The following KIF13A variants were observed in gnomAD, a reference collection of about 807,000 sequenced individuals.
The protein encoded by KIF13A is kinesin-like protein KIF13A.
KIF13A carries 79 observed loss-of-function variants against 212.2 expected under a neutral mutation model. The ratio of observed to expected loss-of-function variants is 0.37; its 90% confidence interval spans 0.31 to 0.45. KIF13A has a LOEUF of 0.45. Ranked by LOEUF, KIF13A falls within the 20% of genes least tolerant of loss-of-function variation. KIF13A has a pLI of 1.00. For missense variants in KIF13A, 1,901 were observed against 2,209.0 expected, an observed-to-expected ratio of 0.86 and a Z score of 2.79; for synonymous variants, 789 against 808.6, an observed-to-expected ratio of 0.98 and a Z score of 0.41.
intron 2 of KIF13A, among the ~76,000 whole-genome samples, chr6:17,943,449 T>C (rs1375518516): frequency 1.3e-5 from 2 of 150,230 alleles, no homozygotes; most frequent in Non-Finnish European, 3.0e-5. Context: ...GGTTTCACCA[T>C]GTTGGCCAGC....
chr6:17,805,615 T>C lies in KIF13A; in HGVS notation c.2164A>G (p.Arg722Gly), dbSNP rs1762870549. 3 of 1,599,520 alleles carry C rather than the reference T, an allele frequency of 1.9e-6. No individual in the cohort carries two copies. The highest frequency in any genetic ancestry group is 2.2e-5 in the East Asian group (1 of 44,746). The change falls in exon 19 of 39, where the codon AGA becomes GGA. Residue 722 changes from arginine (R) to glycine (G), a missense_variant and splice_region_variant. Transcript: ENST00000259711. ...PAANLSANRK[R>G]GAIVSEPAIQ... ...GCTGGTTCACTCACTATTGCACCTC[T>C]CTGCATAAGGAAGAAAAACAAAACA...
rs868848252 is a variant in KIF13A at position 17,968,570 on chromosome 6, G to A, written c.146+18484C>T. Among the ~76,000 whole-genome samples the A allele has an allele frequency of 6.6e-6, 1 of 152,132 alleles. No homozygotes were observed. The stretch of plus-strand genomic sequence containing the variant: ...TAGAATTCTCTTCCACTAGTTACCT[G>A]CATAGAATCTGCAGCTAATGCTGCT... On this transcript the variant is annotated intron_variant, in intron 2 of 38. Coordinates refer to ENST00000259711, the MANE Select transcript of KIF13A (RefSeq NM_022113.6). This position sits in a 1 kb window ranked among gnomAD's most constrained non-coding sequence, Gnocchi z 4.7.
chr6:17,900,870 G>A lies in KIF13A; in HGVS notation c.147-2690C>T, dbSNP rs1201614368. Among the ~76,000 whole-genome samples the A allele has an allele frequency of 1.5e-4, 23 of 151,852 alleles. No individual in the cohort carries two copies. The highest frequency in any genetic ancestry group is 7.3e-5 in the African/African-American group (3 of 41,324). ...GAGGCAGGCGGATCACAAGTTCAGGGGATCGAGACCATCCTGGTTAACACG... is the reference window on the plus strand; with the variant it reads ...GAGGCAGGCGGATCACAAGTTCAGGAGATCGAGACCATCCTGGTTAACACG... On this transcript the variant is annotated intron_variant, in intron 2 of 38. Coordinates refer to ENST00000259711, the MANE Select transcript of KIF13A (RefSeq NM_022113.6). The surrounding 1 kb of genome is among the most constrained non-coding windows in gnomAD (Gnocchi z 4.6).
chr6:17,862,605 C>T (rs550419529), intron 4 of KIF13A, among the ~76,000 whole-genome samples: 1 of 151,802 alleles, frequency 6.6e-6, no homozygotes, highest in African/African-American at 2.4e-5. Context: ...GAGCTCAAGA[C>T]CAGCCCAGGC....
At position 17,787,163 on chromosome 6, in the gene KIF13A, A is replaced by AGGG. The variant is rs1162612172; in HGVS notation, c.3361+612_3361+613insCCC. On this transcript the variant is annotated intron_variant, in intron 27 of 38. Coordinates refer to ENST00000259711, the MANE Select transcript of KIF13A (RefSeq NM_022113.6). This position sits in a 1 kb window ranked among gnomAD's most constrained non-coding sequence, Gnocchi z 4.6. ...CTGTATGTCCTAGGTCCTGGTGCCT[A>AGGG]AAGTACCTTGTATTGACATACTGGT... 1.7e-4 allele frequency among the ~76,000 whole-genome samples: 26 copies of AGGG among 152,230 alleles called. No individual in the cohort carries two copies. The highest frequency in any genetic ancestry group is 1.7e-3 in the Admixed American group (26 of 15,288).
At chr6:17,781,469 A>G (rs1475529181) in intron 29 of KIF13A, among the ~76,000 whole-genome samples, 168 bp from the exon 30 acceptor site, 1 of 152,130 alleles carries the variant, frequency 6.6e-6, no homozygotes, top group African/African-American at 2.4e-5. Context: ...AAGACTCACA[A>G]CAGCTTTTTT....
chr6:17,987,328 C>CGCCGTCCCCG lies in KIF13A; in HGVS notation c.55+80_55+81insCGGGGACGGC. 1 of 1,085,414 alleles carries CGCCGTCCCCG rather than the reference C, an allele frequency of 9.2e-7. No homozygotes were observed. The highest frequency in any genetic ancestry group is 1.2e-6 in the Non-Finnish European group (1 of 834,932). 67.2% of individuals were successfully genotyped at this position (1,085,414 alleles called of 1,614,324 possible). A position where few individuals can be genotyped will look rare whatever the true frequency, so the allele number is the denominator to read the frequency against. On this transcript the variant is annotated intron_variant, in intron 1 of 38. Coordinates refer to ENST00000259711, the MANE Select transcript of KIF13A (RefSeq NM_022113.6). The surrounding 1 kb of genome is among the most constrained non-coding windows in gnomAD (Gnocchi z 7.7). ...GGCCCCCCGGCCCCGGCCGCGCTCT[C>CGCCGTCCCCG]GCCGTCCCGGCCCCGCAGTTTCTAA...
In KIF13A at chr6:17,838,295, T is replaced by C. The variant is rs974724343; in HGVS notation, c.831-712A>G. On this transcript the variant is annotated intron_variant, in intron 9 of 38. Coordinates refer to ENST00000259711, the MANE Select transcript of KIF13A (RefSeq NM_022113.6). This position sits in a 1 kb window ranked among gnomAD's most constrained non-coding sequence, Gnocchi z 4.2. Reference sequence around the variant, plus strand: ...AAGATCGCGCCACTGTACTCCAGCCTGGGCGACAGAGCAAGACTCCATCTC... The same window carrying C: ...AAGATCGCGCCACTGTACTCCAGCCCGGGCGACAGAGCAAGACTCCATCTC... Among the ~76,000 whole-genome samples, 4 of 150,560 alleles carry C rather than the reference T, an allele frequency of 2.7e-5. No homozygotes were observed. The highest frequency in any genetic ancestry group is 4.4e-5 in the Non-Finnish European group (3 of 67,850).
At chr6:17,819,114 C>T (rs1764210142) in intron 16 of KIF13A, among the ~76,000 whole-genome samples, 1 of 151,488 alleles carries the variant, frequency 6.6e-6, no homozygotes, top group South Asian at 2.1e-4. Flanking sequence ...ATTCTCCTGC[C>T]TCGGCCTCCC....
At chr6:17,805,351 C>A (rs536682865) in intron 19 of KIF13A, 124 bp downstream of exon 19, 10 of 853,682 alleles carry the variant, frequency 1.2e-5, no homozygotes, top group African/African-American at 8.6e-5. Context: ...TAATATCTAA[C>A]GTATCATGAG....
At chr6:17,893,729 T>G (rs1047437651) in intron 3 of KIF13A, among the ~76,000 whole-genome samples, 1 of 152,106 alleles carries the variant, frequency 6.6e-6, no homozygotes, top group Non-Finnish European at 1.5e-5. Context: ...CTCATGGGCC[T>G]TTTATCATAT....
At chr6:17,960,396 C>T (rs1196926015) in intron 2 of KIF13A, among the ~76,000 whole-genome samples, 1 of 152,202 alleles carries the variant, frequency 6.6e-6, no homozygotes, top group Non-Finnish European at 1.5e-5. Context: ...CTAAAAATAA[C>T]ACTGCTAAAC....
rs539982598 is a variant in KIF13A at position 17,872,315 on chromosome 6, C to A, written c.220+1062G>T. On this transcript the variant is annotated intron_variant, in intron 4 of 38. Coordinates refer to ENST00000259711, the MANE Select transcript of KIF13A (RefSeq NM_022113.6). The surrounding 1 kb of genome is among the most constrained non-coding windows in gnomAD (Gnocchi z 4.7). ...CAAATCTTTTAAGGCCAATATCCTC[C>A]CTTCATTTTTTTGTTTTTAACTAAC... 6.6e-6 allele frequency among the ~76,000 whole-genome samples: 1 copy of A among 152,132 alleles called. No homozygotes were observed. The highest frequency in any genetic ancestry group is 6.5e-5 in the Admixed American group (1 of 15,272).
At chr6:17,945,474 G>A (rs754259430) in intron 2 of KIF13A, among the ~76,000 whole-genome samples, 4 of 151,882 alleles carry the variant, frequency 2.6e-5, no homozygotes, top group Non-Finnish European at 5.9e-5. Context: ...AAAAATGCAT[G>A]CATCATATTA....
chr6:17,761,008 G>A, downstream of KIF13A: 2 of 820,814 alleles, frequency 2.4e-6, no homozygotes, highest in Non-Finnish European at 3.9e-6. Flanking sequence ...CACAGGATTG[G>A]TTTTATTATG....
intron 20 of KIF13A, among the ~76,000 whole-genome samples, chr6:17,803,923 C>T (rs935073328): frequency 2.6e-5 from 4 of 152,162 alleles, no homozygotes; most frequent in Non-Finnish European, 4.4e-5. Context: ...GAAGCCGAGG[C>T]GGGCGGATCA....
At chr6:17,805,700 T>G in intron 18 of KIF13A, 85 bp from the exon 19 acceptor site, 1 of 1,258,764 alleles carries the variant, frequency 7.9e-7, no homozygotes, top group Non-Finnish European at 1.1e-6. Context: ...AGTAACACAG[T>G]AAGTTTGCAA....
In KIF13A at chr6:17,787,624, T is replaced by C. The variant is rs989072299; in HGVS notation, c.3361+152A>G. 7.9e-4 allele frequency among the ~76,000 whole-genome samples: 120 copies of C among 152,024 alleles called. No individual in the cohort carries two copies. Among genetic ancestry groups the C allele is most frequent in the African/African-American group, 2.8e-3 (115 of 41,460 alleles). On this transcript the variant is annotated intron_variant, in intron 27 of 38. Transcript: ENST00000259711. This position sits in a 1 kb window ranked among gnomAD's most constrained non-coding sequence, Gnocchi z 4.6. Reference sequence around the variant, plus strand: ...TATGATCCTGCCACTGCACTCCAGCTTGGGTGACAGAGTGAGACCCTGTCT... The same window carrying C: ...TATGATCCTGCCACTGCACTCCAGCCTGGGTGACAGAGTGAGACCCTGTCT...
At position 17,892,036 on chromosome 6, in the gene KIF13A, G is replaced by A. The variant is rs1367654849; in HGVS notation, c.159+6132C>T. ...CCAATAATTTACCTGATCTTTGTAAGGCAGAGTCGGCAAATTCGTATCACC... is the reference window on the plus strand; with the variant it reads ...CCAATAATTTACCTGATCTTTGTAAAGCAGAGTCGGCAAATTCGTATCACC... On this transcript the variant is annotated intron_variant, in intron 3 of 38. Coordinates refer to ENST00000259711, the MANE Select transcript of KIF13A (RefSeq NM_022113.6). The surrounding 1 kb of genome is among the most constrained non-coding windows in gnomAD (Gnocchi z 4.7). 6.6e-6 allele frequency among the ~76,000 whole-genome samples: 1 copy of A among 152,108 alleles called. No homozygotes were observed. The highest frequency in any genetic ancestry group is 2.4e-5 in the African/African-American group (1 of 41,414).
Sources: allele counts gnomAD v4.1 joint callset (sites outside exome capture counted in the v4.1 genomes callset), GRCh38; gene constraint gnomAD v4.1.1; non-coding constraint Gnocchi (gnomAD v3.1); transcripts MANE v1.5; gene names NCBI Gene and HGNC (gene_info 2026-07-23, HGNC 2026-07-21).